CRHR2: variants seen among roughly 807,000 people sequenced by gnomAD.
The protein encoded by CRHR2 is corticotropin releasing hormone receptor 2, also known as corticotropin-releasing hormone receptor 2.
CRHR2 carries 53 observed loss-of-function variants against 57.9 expected under a neutral mutation model. The ratio of observed to expected loss-of-function variants is 0.92; its 90% confidence interval spans 0.73 to 1.15. CRHR2 has a LOEUF of 1.15. Among genes scored for constraint, CRHR2 ranks in the 50% most tolerant of loss-of-function variants. CRHR2 has a pLI of 0.00. For missense variants in CRHR2, 532 were observed against 542.6 expected (o/e 0.98, Z 0.19); for synonymous variants, 213 against 220.9 (o/e 0.96, Z 0.32).
At chr7:30,689,824 C>T (rs1784925958) in intron 1 of CRHR2, among the ~76,000 whole-genome samples, 1 of 152,162 alleles carries the variant, frequency 6.6e-6, no homozygotes, top group African/African-American at 2.4e-5. Context: ...CAGGCACTTG[C>T]AACGAAGAGC....
At chr7:30,679,616 G>A (rs528637894) in intron 2 of CRHR2, among the ~76,000 whole-genome samples, 3 of 152,234 alleles carry the variant, frequency 2.0e-5, no homozygotes, top group East Asian at 1.9e-4. Context: ...CCACCCGGGC[G>A]ATTCCTGCTC....
intron 8 of CRHR2, among the ~76,000 whole-genome samples, chr7:30,659,437 A>G (rs1783910323): frequency 6.6e-6 from 1 of 152,190 alleles, no homozygotes; most frequent in South Asian, 2.1e-4. Flanking sequence ...TTCCTCCAGG[A>G]TGGCCCTTGG....
At chr7:30,688,774 C>G (rs1784903022) in intron 2 of CRHR2, 1 of 456,752 alleles carries the variant, frequency 2.2e-6, no homozygotes, top group Non-Finnish European at 4.4e-6. Flanking sequence ...CTCTGAGGGG[C>G]CAGAACTCAG....
At chr7:30,679,097 T>A (rs916601982) in intron 2 of CRHR2, among the ~76,000 whole-genome samples, 1 of 152,182 alleles carries the variant, frequency 6.6e-6, no homozygotes, top group Non-Finnish European at 1.5e-5. Flanking sequence ...CCAGCCTGTC[T>A]CCTTGCCTTT....
At chr7:30,682,462 C>T, upstream of CRHR2, 1 of 1,335,966 alleles carries the variant, frequency 7.5e-7, no homozygotes, top group Non-Finnish European at 9.5e-7. Context: ...CAAGTGGGGA[C>T]CTTCCCGGAG....
chr7:30,660,605 T>A lies in CRHR2; in HGVS notation c.799A>T (p.Ile267Phe). The A allele has an allele frequency of 1.3e-6, 2 of 1,572,572 alleles. No individual in the cohort carries two copies. The highest frequency in any genetic ancestry group is 1.7e-6 in the Non-Finnish European group (2 of 1,158,494). The change falls in exon 8 of 12, where the codon ATC becomes TTC. Residue 267 changes from isoleucine to phenylalanine, a missense_variant. Ile to Phe is a conservative substitution (Grantham distance 21). Coordinates refer to ENST00000471646, the MANE Select transcript of CRHR2 (RefSeq NM_001883.5). ...ACGAGAATGATGGGGCCTTGGTAGA[T>A]GTAGTCCACCAGGTCGCCAGGCTCC... ...GKEPGDLVDY[I>F]YQGPIILVLL...
In CRHR2 at chr7:30,682,164, C is replaced by A. The variant is rs1327248931; in HGVS notation, c.103+14G>T. The A allele has an allele frequency of 1.3e-6, 2 of 1,551,710 alleles. No homozygotes were observed. Among genetic ancestry groups the A allele is most frequent in the African/African-American group, 2.8e-5 (2 of 71,966 alleles). ...GGAGCCCGCGCAGCCTCCGACCGCT[C>A]GCCTCCCGCCTACCCTCGGGGTCCA... On this transcript the variant is annotated intron_variant, in intron 1 of 11. Transcript: ENST00000471646.
chr7:30,678,809 C>T (rs551354693), intron 2 of CRHR2, among the ~76,000 whole-genome samples: 1 of 152,186 alleles, frequency 6.6e-6, no homozygotes, highest in African/African-American at 2.4e-5. Context: ...ATTTCAAATG[C>T]CCAAGGTTGC....
chr7:30,656,161 A>G lies in CRHR2; in HGVS notation c.832-149T>C, dbSNP rs1783782333. On this transcript the variant is annotated intron_variant, in intron 8 of 11. Transcript: ENST00000471646. The surrounding 1 kb of genome is among the most constrained non-coding windows in gnomAD (Gnocchi z 4.4). ...ACCTGTCCCCCTAGCACCTGCCAGC[A>G]TCCCAAGGCCTGTGCTCCTCCCTCG... The G allele has an allele frequency of 1.4e-6, 1 of 706,314 alleles. No individual in the cohort carries two copies. The highest frequency in any genetic ancestry group is 1.7e-5 in the South Asian group (1 of 59,082). The allele number at this position is 706,314 out of a possible 1,614,324, so 43.8% of individuals were successfully genotyped here.
chr7:30,686,289 C>T, upstream of CRHR2: 1 of 1,369,006 alleles, frequency 7.3e-7, no homozygotes, highest in Non-Finnish European at 9.4e-7. Context: ...GCCCATGCCT[C>T]CCCAAGGGCA....
At position 30,653,627 on chromosome 7, in the gene CRHR2, G is replaced by C; in HGVS notation, c.1096-27C>G. 1 of 1,591,672 alleles carries C rather than the reference G, an allele frequency of 6.3e-7. No homozygotes were observed. The highest frequency in any genetic ancestry group is 1.1e-5 in the South Asian group (1 of 87,940). On this transcript the variant is annotated intron_variant, in intron 11 of 11. Coordinates refer to ENST00000471646, the MANE Select transcript of CRHR2 (RefSeq NM_001883.5). This position sits in a 1 kb window ranked among gnomAD's most constrained non-coding sequence, Gnocchi z 5.0. ...TGTGGGGAAGGCAGAGGCTCAGCTG[G>C]CTCCCAGGGACCAACCCTGGGCTTC...
upstream of CRHR2, among the ~76,000 whole-genome samples, chr7:30,684,213 G>A (rs1013923816): frequency 2.0e-5 from 3 of 152,324 alleles, no homozygotes; most frequent in African/African-American, 4.8e-5. Context: ...CCTACCCTCC[G>A]CTCCTAGACT....
chr7:30,663,721 C>T (rs983033785), intron 5 of CRHR2, among the ~76,000 whole-genome samples: 1 of 152,356 alleles, frequency 6.6e-6, no homozygotes, highest in East Asian at 1.9e-4. Context: ...AGACATTGGG[C>T]TTCCAGGCCA....
intron 2 of CRHR2, among the ~76,000 whole-genome samples, chr7:30,676,907 G>A (rs1001860907): frequency 6.6e-6 from 1 of 152,358 alleles, no homozygotes; most frequent in African/African-American, 2.4e-5. Flanking sequence ...TTCTTCCCCT[G>A]TCCTGGCAGA....
chr7:30,673,656 G>A (rs766641960), intron 2 of CRHR2, among the ~76,000 whole-genome samples: 4 of 152,298 alleles, frequency 2.6e-5, no homozygotes, highest in Middle Eastern at 6.8e-3. Context: ...GTGGTCAGAC[G>A]TACAGTCCTA....
At chr7:30,675,097 T>C (rs1430307551) in intron 2 of CRHR2, among the ~76,000 whole-genome samples, 1 of 152,142 alleles carries the variant, frequency 6.6e-6, no homozygotes, top group African/African-American at 2.4e-5. Context: ...GAGCCCAGGT[T>C]CCTCCCACTC....
At chr7:30,661,084 G>A (rs1783980904) in intron 7 of CRHR2, among the ~76,000 whole-genome samples, 1 of 152,244 alleles carries the variant, frequency 6.6e-6, no homozygotes, top group Non-Finnish European at 1.5e-5. Context: ...AGCAGCAGAT[G>A]TGGAAGTGGA....
At chr7:30,682,547 C>T (rs1347791442), upstream of CRHR2, 6 of 1,225,838 alleles carry the variant, frequency 4.9e-6, no homozygotes, top group South Asian at 1.1e-4. Context: ...GGGGCGGGGC[C>T]GGGCGGCTCC....
chr7:30,675,647 T>C (rs1342955270), intron 2 of CRHR2, among the ~76,000 whole-genome samples: 3 of 152,140 alleles, frequency 2.0e-5, no homozygotes, highest in South Asian at 2.1e-4. Flanking sequence ...ATTAGCTCAA[T>C]TTTTCAAGGC....
Sources: gnomAD v4.1 joint callset for allele counts (sites outside exome capture counted in the v4.1 genomes callset) on GRCh38, gnomAD v4.1.1 for gene constraint, Gnocchi (gnomAD v3.1) non-coding constraint, MANE v1.5 for transcripts, NCBI Gene and HGNC (gene_info 2026-07-23, HGNC 2026-07-21) for gene names.